Variants in LINGO2 observed in about 807,000 individuals in gnomAD.
The protein encoded by LINGO2 is leucine rich repeat and Ig domain containing 2.
A neutral mutation model predicts 30.6 loss-of-function variants in LINGO2; 14 were observed. That is an observed-to-expected ratio of 0.46 (90% CI 0.30 to 0.72). The LOEUF (loss-of-function observed/expected upper bound fraction) is 0.72. Ranked by LOEUF, LINGO2 falls within the 30% of genes least tolerant of loss-of-function variation. The pLI, the probability that LINGO2 is intolerant of heterozygous loss-of-function variation, is 0.07. For missense variants in LINGO2, 729 were observed against 751.7 expected, an observed-to-expected ratio of 0.97 and a Z score of 0.35; for synonymous variants, 317 against 288.5, an observed-to-expected ratio of 1.10 and a Z score of -1.00.
the LINGO2 span, among the ~76,000 whole-genome samples, chr9:28,685,844 C>T: frequency 6.6e-6 from 1 of 152,008 alleles, no homozygotes; most frequent in Non-Finnish European, 1.5e-5. Context: ...CTCACCATCC[C>T]TCAAATTCTA....
chr9:28,243,905 T>C (rs1821902835), intron 4 of LINGO2, among the ~76,000 whole-genome samples: 1 of 152,194 alleles, frequency 6.6e-6, no homozygotes, highest in East Asian at 1.9e-4. Flanking sequence ...CTGGCAATAT[T>C]AGACAAATCC....
At chr9:28,137,552 C>T (rs916155921) in intron 4 of LINGO2, among the ~76,000 whole-genome samples, 1 of 151,964 alleles carries the variant, frequency 6.6e-6, no homozygotes. Flanking sequence ...CTAAAAATTT[C>T]CTGGAAACAT....
In LINGO2 at chr9:28,331,726, G is replaced by A. The variant is rs79902916; in HGVS notation, c.-245-36360C>T. Among the ~76,000 whole-genome samples the A allele has an allele frequency of 1.2e-4, 19 of 152,134 alleles. No individual in the cohort carries two copies. In the East Asian group the frequency reaches 3.5e-3, roughly 28 times the overall value. Reference sequence around the variant, plus strand: ...TCACCATGTTGCCCAGCCTGGCCTCGGACTCTCCGGCTCAAGCAATCCTCC... The same window carrying A: ...TCACCATGTTGCCCAGCCTGGCCTCAGACTCTCCGGCTCAAGCAATCCTCC... On this transcript the variant is annotated intron_variant, in intron 3 of 5. Coordinates refer to ENST00000379992, the Ensembl canonical transcript of LINGO2.
At chr9:28,463,373 C>A (rs1206494800) in intron 2 of LINGO2, among the ~76,000 whole-genome samples, 2 of 150,790 alleles carry the variant, frequency 1.3e-5, no homozygotes, top group African/African-American at 4.9e-5. Flanking sequence ...ACCAAAAGGC[C>A]AAAAAATATA....
At chr9:28,091,086 C>T (rs1337623410) in intron 4 of LINGO2, among the ~76,000 whole-genome samples, 3 of 152,156 alleles carry the variant, frequency 2.0e-5, no homozygotes, top group Non-Finnish European at 4.4e-5. Flanking sequence ...AATGGAAGAA[C>T]ATTCCATGCT....
chr9:28,922,327 G>A, the LINGO2 span, among the ~76,000 whole-genome samples: 295 of 152,180 alleles, frequency 1.9e-3, 1 homozygote, highest in African/African-American at 6.6e-3. Context: ...CATTGTCTCC[G>A]CATGCATTGA....
intron 4 of LINGO2, among the ~76,000 whole-genome samples, chr9:28,219,210 T>C (rs189826609): frequency 2.0e-5 from 3 of 152,284 alleles, no homozygotes; most frequent in Non-Finnish European, 4.4e-5. Flanking sequence ...GGATGTCTTT[T>C]TGTGCCAGGC....
At chr9:28,203,811 G>A (rs1256884849) in intron 4 of LINGO2, among the ~76,000 whole-genome samples, 5 of 152,020 alleles carry the variant, frequency 3.3e-5, no homozygotes, top group Non-Finnish European at 7.4e-5. Context: ...GGTATTTGGT[G>A]GAATACTATT....
intron 2 of LINGO2, among the ~76,000 whole-genome samples, chr9:28,381,242 CA>C (rs1821344046): frequency 6.6e-6 from 1 of 151,886 alleles, no homozygotes; most frequent in South Asian, 2.1e-4. Context: ...CAAACAAAAA[CA>C]AAAACAATTG....
chr9:28,031,150 A>T (rs186569640), intron 4 of LINGO2, among the ~76,000 whole-genome samples: 117 of 152,286 alleles, frequency 7.7e-4, no homozygotes, highest in Admixed American at 5.6e-3. Flanking sequence ...ATGAGCCTTC[A>T]AAATGGGAGA....
At chr9:28,398,227 C>T (rs10968560) in intron 2 of LINGO2, among the ~76,000 whole-genome samples, 2 of 151,980 alleles carry the variant, frequency 1.3e-5, no homozygotes, top group African/African-American at 2.4e-5. Flanking sequence ...ATGATATATA[C>T]GGGGACTCTG....
intron 4 of LINGO2, among the ~76,000 whole-genome samples, chr9:28,057,877 G>A (rs1275985503): frequency 2.6e-5 from 4 of 151,872 alleles, no homozygotes; most frequent in Admixed American, 6.6e-5. Context: ...CAGCTCAAGC[G>A]TTGTCACCTT....
chr9:28,684,286 C>T, the LINGO2 span, among the ~76,000 whole-genome samples: 10 of 137,808 alleles, frequency 7.3e-5, no homozygotes, highest in African/African-American at 2.6e-4. Flanking sequence ...CTCCCAGGTT[C>T]ACGCCATTCT....
chr9:29,093,601 AT>A, the LINGO2 span, among the ~76,000 whole-genome samples: 1 of 136,262 alleles, frequency 7.3e-6, no homozygotes, highest in African/African-American at 2.7e-5. Flanking sequence ...TAACACCTAA[AT>A]AGTATCACCT....
chr9:28,884,707 ATAT>A, the LINGO2 span, among the ~76,000 whole-genome samples: 1 of 134,278 alleles, frequency 7.4e-6, no homozygotes, highest in Non-Finnish European at 1.6e-5. Flanking sequence ...GTATATATAT[ATAT>A]ACAAATTTGT....
At chr9:28,071,941 G>C (rs1364032975) in intron 4 of LINGO2, among the ~76,000 whole-genome samples, 1 of 152,102 alleles carries the variant, frequency 6.6e-6, no homozygotes, top group Non-Finnish European at 1.5e-5. Flanking sequence ...CAATGTATTT[G>C]CATCCTATTA....
chr9:28,288,118 T>C (rs958900287), intron 4 of LINGO2, among the ~76,000 whole-genome samples: 2 of 152,140 alleles, frequency 1.3e-5, no homozygotes, highest in African/African-American at 2.4e-5. Flanking sequence ...TTTGCCATAA[T>C]CTTTTTAAAA....
intron 1 of LINGO2, among the ~76,000 whole-genome samples, chr9:28,620,437 G>A (rs986114421): frequency 1.3e-5 from 2 of 152,026 alleles, no homozygotes; most frequent in Non-Finnish European, 2.9e-5. Flanking sequence ...CAGATCATTT[G>A]TAACAGATCA....
chr9:28,893,551 G>C, the LINGO2 span, among the ~76,000 whole-genome samples: 1 of 151,878 alleles, frequency 6.6e-6, no homozygotes, highest in African/African-American at 2.4e-5. Context: ...GTAATCATTT[G>C]TCTGTGTCCT....
Sources: allele counts gnomAD v4.1 joint callset (sites outside exome capture counted in the v4.1 genomes callset), GRCh38; gene constraint gnomAD v4.1.1; transcripts MANE v1.5; gene names NCBI Gene and HGNC (gene_info 2026-07-23, HGNC 2026-07-21).